CDH4: variants seen among roughly 807,000 people sequenced by gnomAD.
The protein encoded by CDH4 is cadherin-4.
A neutral mutation model predicts 86.0 loss-of-function variants in CDH4; 33 were observed. That is an observed-to-expected ratio of 0.38 (90% CI 0.29 to 0.51). CDH4 has a LOEUF of 0.51. CDH4 is among the 20% of genes least tolerant of loss of function. The pLI is 0.86. For synonymous variants in CDH4, 555 were observed against 549.4 expected (o/e 1.01, Z -0.14); for missense variants, 1,114 against 1,307.4 (o/e 0.85, Z 2.28).
Position 61,723,943 on chromosome 20 carries a change from C to T in CDH4, c.170-19620C>T, listed in dbSNP as rs186211745. Reference sequence around the variant, plus strand: ...TCCATGTGGCAGGGGGGTAGGTCCCCATGCAGGGGGCACAGGATGGAGGCT... The same window carrying T: ...TCCATGTGGCAGGGGGGTAGGTCCCTATGCAGGGGGCACAGGATGGAGGCT... On this transcript the variant is annotated intron_variant, in intron 2 of 15. Transcript: ENST00000614565. Among the ~76,000 whole-genome samples, 1,175 of 139,906 alleles carry T rather than the reference C, an allele frequency of 8.4e-3. 14 individuals are homozygous for T. The highest frequency in any genetic ancestry group is 0.031 in the African/African-American group (1,049 of 33,804). The allele number at this position is 139,906 out of a possible 152,430, so 91.8% of individuals were successfully genotyped here.
chr20:61,725,715 C>T (rs995173895), intron 2 of CDH4, among the ~76,000 whole-genome samples: 3 of 152,038 alleles, frequency 2.0e-5, no homozygotes, highest in African/African-American at 7.2e-5. Context: ...AGTGGGCTTT[C>T]CCATCTGCAG....
rs116439351 is a variant in CDH4 at position 61,327,561 on chromosome 20, T to A, written c.169+72624T>A. 9.2e-3 allele frequency among the ~76,000 whole-genome samples: 1,405 copies of A among 152,294 alleles called. 15 individuals are homozygous for A. Among genetic ancestry groups the A allele is most frequent in the African/African-American group, 0.032 (1,326 of 41,560 alleles). On this transcript the variant is annotated intron_variant, in intron 2 of 15. Transcript: ENST00000614565. The stretch of plus-strand genomic sequence containing the variant: ...GAAAGTTCTGATCTCCTGTTTGACC[T>A]GTCAGATTGGCGAAGATTAGAAAGT...
At chr20:61,359,739 C>T (rs564008355) in intron 2 of CDH4, among the ~76,000 whole-genome samples, 1 of 152,286 alleles carries the variant, frequency 6.6e-6, no homozygotes, top group African/African-American at 2.4e-5. Context: ...TGCTCCCATC[C>T]AAGTCTACAG....
chr20:61,619,216 G>C (rs981927986), intron 2 of CDH4, among the ~76,000 whole-genome samples: 7 of 152,174 alleles, frequency 4.6e-5, no homozygotes, highest in African/African-American at 1.7e-4. Flanking sequence ...CGGTCACCCT[G>C]ACTGGACACT....
At chr20:61,323,297 G>T (rs886226488) in intron 2 of CDH4, among the ~76,000 whole-genome samples, 2 of 152,104 alleles carry the variant, frequency 1.3e-5, no homozygotes, top group East Asian at 3.9e-4. Flanking sequence ...CTGTCCCCTC[G>T]TCTTGGCCTC....
intron 2 of CDH4, among the ~76,000 whole-genome samples, chr20:61,259,641 C>T (rs1435209585): frequency 1.3e-5 from 2 of 152,258 alleles, no homozygotes; most frequent in East Asian, 3.9e-4. Context: ...TTATTAGACA[C>T]TGGAAGTTGC....
intron 2 of CDH4, among the ~76,000 whole-genome samples, chr20:61,576,078 G>A (rs986191726): frequency 4.6e-5 from 7 of 152,202 alleles, no homozygotes; most frequent in Admixed American, 3.9e-4. Flanking sequence ...AGGGGGTCCA[G>A]AGGGTGTGCT....
chr20:61,713,254 C>G (rs1416264497), intron 2 of CDH4, among the ~76,000 whole-genome samples: 1 of 152,230 alleles, frequency 6.6e-6, no homozygotes, highest in African/African-American at 2.4e-5. Context: ...GGTGCACATC[C>G]TGTACCCTTT....
intron 4 of CDH4, among the ~76,000 whole-genome samples, chr20:61,798,414 T>C (rs1979659290): frequency 1.3e-5 from 2 of 152,246 alleles, no homozygotes; most frequent in South Asian, 4.1e-4. Flanking sequence ...CTCCGCTCCT[T>C]TCCTGCTACC....
At chr20:61,893,087 G>T (rs908724468) in intron 7 of CDH4, among the ~76,000 whole-genome samples, 8 of 148,920 alleles carry the variant, frequency 5.4e-5, no homozygotes, top group African/African-American at 2.0e-4. Flanking sequence ...GTAGAGGGAT[G>T]CTGGATGGGT....
intron 2 of CDH4, among the ~76,000 whole-genome samples, chr20:61,443,852 G>A (rs1336729362): frequency 1.3e-5 from 2 of 151,162 alleles, no homozygotes; most frequent in Non-Finnish European, 2.9e-5. Context: ...GTGATTGTGT[G>A]TATCTCTCTA....
chr20:61,929,896 T>C, intron 13 of CDH4, 54 bp downstream of exon 13: 1 of 1,416,110 alleles, frequency 7.1e-7, no homozygotes, highest in Non-Finnish European at 1.0e-6. Flanking sequence ...ATGAGTGCCC[T>C]GTCCCAGGCA....
chr20:61,311,860 G>A (rs767742157), intron 2 of CDH4, among the ~76,000 whole-genome samples: 2 of 152,264 alleles, frequency 1.3e-5, no homozygotes, highest in Non-Finnish European at 2.9e-5. Context: ...AGGGCGGGGC[G>A]GCCAGTGCAT....
chr20:61,614,196 C>T (rs1443388753), intron 2 of CDH4, among the ~76,000 whole-genome samples: 2 of 152,060 alleles, frequency 1.3e-5, no homozygotes, highest in African/African-American at 4.8e-5. Context: ...TATTCTCAGA[C>T]AGGGCTGGTC....
rs1047531646 is a variant in CDH4 at position 61,386,589 on chromosome 20, G to C, written c.169+131652G>C. 1.4e-4 allele frequency among the ~76,000 whole-genome samples: 21 copies of C among 152,338 alleles called. No homozygotes were observed. In the East Asian group the frequency reaches 3.3e-3, roughly 24 times the overall value. On this transcript the variant is annotated intron_variant, in intron 2 of 15. Transcript: ENST00000614565. ...GGCGGTTTGGCACCATGAGGTTAGA[G>C]AGGCTGGGTTACCTGGCTCTGCCCT...
chr20:61,861,207 T>C (rs1983307351), intron 6 of CDH4, among the ~76,000 whole-genome samples: 1 of 152,172 alleles, frequency 6.6e-6, no homozygotes, highest in African/African-American at 2.4e-5. Context: ...CAATGAGGCC[T>C]AGTGAGGTTC....
intron 2 of CDH4, among the ~76,000 whole-genome samples, chr20:61,549,579 C>T (rs1206951940): frequency 3.3e-5 from 5 of 152,196 alleles, no homozygotes; most frequent in African/African-American, 7.2e-5. Context: ...TCGTGTGTTC[C>T]GTGGATGTGT....
intron 7 of CDH4, among the ~76,000 whole-genome samples, chr20:61,883,891 C>T (rs138521626): frequency 7.9e-4 from 120 of 152,300 alleles, no homozygotes; most frequent in African/African-American, 2.6e-3. Context: ...GAGAAACAGA[C>T]GGACAGACAG....
intron 2 of CDH4, among the ~76,000 whole-genome samples, chr20:61,519,737 C>T (rs935995358): frequency 7.9e-5 from 12 of 152,226 alleles, no homozygotes; most frequent in Non-Finnish European, 8.8e-5. Flanking sequence ...AGTTCCTGGG[C>T]GCAGGACGCC....
Sources: allele counts gnomAD v4.1 joint callset (sites outside exome capture counted in the v4.1 genomes callset), GRCh38; gene constraint gnomAD v4.1.1; transcripts MANE v1.5; gene names NCBI Gene and HGNC (gene_info 2026-07-23, HGNC 2026-07-21).